The following HNRNPUL2 variants were observed in gnomAD, a reference collection of about 807,000 sequenced individuals.
HNRNPUL2 encodes the protein heterogeneous nuclear ribonucleoprotein U-like protein 2.
In HNRNPUL2, 27 loss-of-function variants were observed where a neutral mutation model predicts 102.2. The ratio of observed to expected loss-of-function variants is 0.26; its 90% CI spans 0.19 to 0.36. The LOEUF (loss-of-function observed/expected upper bound fraction) is 0.36, where lower values mean the gene tolerates loss of function less well. Among genes scored for constraint, HNRNPUL2 ranks in the 10% least tolerant of loss-of-function variants. The pLI is 1.00. For missense variants in HNRNPUL2, 936 were observed against 981.1 expected, an observed-to-expected ratio of 0.95 and a Z score of 0.61; for synonymous variants, 458 against 387.2, an observed-to-expected ratio of 1.18 and a Z score of -2.15.
At chr11:62,721,272 A>C in intron 9 of HNRNPUL2, 23 bp downstream of exon 9, 1 of 1,593,310 alleles carries the variant, frequency 6.3e-7, no homozygotes, top group Non-Finnish European at 8.5e-7. Context: ...CCTTGACTCT[A>C]GGCAATTTTA....
intron 4 of HNRNPUL2, 118 bp downstream of exon 4, chr11:62,723,469 T>C (rs2083719615): frequency 2.7e-6 from 3 of 1,103,314 alleles, no homozygotes; most frequent in African/African-American, 1.6e-5. Context: ...CCAGCCTGGG[T>C]AACAAGAGCG....
At chr11:62,716,078 T>A (rs2083658050) in intron 11 of HNRNPUL2, 141 bp from the exon 12 acceptor site, 4 of 576,548 alleles carry the variant, frequency 6.9e-6, no homozygotes, top group Non-Finnish European at 1.2e-5. Context: ...ACATGTTAAT[T>A]AAAGCACCAG....
chr11:62,724,125 T>C (rs2083725752), intron 2 of HNRNPUL2, 135 bp from the exon 3 acceptor site: 4 of 1,184,872 alleles, frequency 3.4e-6, no homozygotes, highest in Non-Finnish European at 1.2e-6. Flanking sequence ...TTCCAATAAA[T>C]GAGAAAGGGC....
intron 12 of HNRNPUL2, 82 bp downstream of exon 12, chr11:62,715,782 C>T (rs1013941618): frequency 2.3e-5 from 32 of 1,369,648 alleles, no homozygotes; most frequent in Non-Finnish European, 3.1e-5. Flanking sequence ...CCTAAGAAAA[C>T]AGGCAAACCA....
chr11:62,726,964 C>A lies in HNRNPUL2; in HGVS notation c.193G>T (p.Ala65Ser). The A allele has an allele frequency of 6.9e-7, 1 of 1,448,162 alleles. No individual in the cohort carries two copies. Among genetic ancestry groups the A allele is most frequent in the Non-Finnish European group, 9.0e-7 (1 of 1,107,132 alleles). The allele number at this position is 1,448,162 out of a possible 1,614,324, so 89.7% of individuals were successfully genotyped here. Residue 65 changes from alanine (A) to serine (S), a missense_variant, in exon 1 of 14, where the codon GCC (alanine) becomes TCC (serine). Coordinates refer to ENST00000301785, the MANE Select transcript of HNRNPUL2 (RefSeq NM_001079559.3). ...GACKAEPRPV[A>S]ASGGGPGGDE... is the part of the protein sequence containing the mutation. The stretch of plus-strand genomic sequence containing the variant: ...CCGCCCGGGCCGCCGCCCGACGCGG[C>A]CACAGGCCGAGGCTCCGCCTTGCAG...
chr11:62,722,821 G>A lies in HNRNPUL2; in HGVS notation c.974C>T (p.Pro325Leu), dbSNP rs768574111. ...TAAAGAAATAACTTTACCAAGCTGT[G>A]GACGGGAAAAATCAACAGACCACCC... ...RVGWSVDFSR[P>L]QLGEDEFSYG... Residue 325 changes from proline (P) to leucine (L), a missense_variant, in exon 5 of 14, where the codon CCA becomes CTA. Pro to Leu is a moderately conservative substitution (Grantham distance 98, BLOSUM62 -3). Coordinates refer to ENST00000301785, the MANE Select transcript of HNRNPUL2 (RefSeq NM_001079559.3). 6.2e-7 allele frequency: 1 copy of A among 1,613,920 alleles called. No individual in the cohort carries two copies.
Position 62,714,630 on chromosome 11 carries a change from T to G in HNRNPUL2, c.*669A>C, listed in dbSNP as rs2083645232. ...TAGAACCACCCACTGGCAGTCTCCA[T>G]GCCTCAGCCAAACAGCACAAAGGCA... On this transcript the variant is annotated 3_prime_UTR_variant, in exon 14 of 14. Coordinates refer to ENST00000301785, the MANE Select transcript of HNRNPUL2 (RefSeq NM_001079559.3). The G allele has an allele frequency of 6.6e-6, 1 of 152,352 alleles. No individual in the cohort carries two copies. Among genetic ancestry groups the G allele is most frequent in the African/African-American group, 2.4e-5 (1 of 41,452 alleles). The allele number at this position is 152,352 out of a possible 1,614,324, so 9.4% of individuals were successfully genotyped here.
Position 62,713,649 on chromosome 11 carries a change from G to C in HNRNPUL2, c.*1650C>G, listed in dbSNP as rs1041745186. 1 of 152,266 alleles carries C rather than the reference G, an allele frequency of 6.6e-6. No homozygotes were observed. The highest frequency in any genetic ancestry group is 1.5e-5 in the Non-Finnish European group (1 of 68,098). 9.4% of individuals were successfully genotyped at this position (152,266 alleles called of 1,614,324 possible). On this transcript the variant is annotated 3_prime_UTR_variant, in exon 14 of 14. Transcript: ENST00000301785. ...AATAAGGGTCTGTACACCTGAACAAGGGCTGCAGGGCAGTAACAGTGGGAG... is the reference window on the plus strand; with the variant it reads ...AATAAGGGTCTGTACACCTGAACAACGGCTGCAGGGCAGTAACAGTGGGAG...
At position 62,721,868 on chromosome 11, in the gene HNRNPUL2, C is replaced by T. The variant is rs746621648; in HGVS notation, c.1434G>A (p.Glu478=). The T allele has an allele frequency of 1.2e-6, 2 of 1,614,188 alleles. No homozygotes were observed. Among genetic ancestry groups the T allele is most frequent in the Admixed American group, 1.7e-5 (1 of 60,018 alleles). Residue 478 remains glutamate (E), a synonymous_variant, in exon 8 of 14, where the codon GAG becomes GAA. Transcript: ENST00000301785. ...CAGCTCCCAGGACATTGTATCTTTT[C>T]TCAGGGTTTTCTTTTGCATATTTCA... The part of the protein sequence containing the change: ...WALKYAKENP[E]KRYNVLGAET...
At chr11:62,715,714 GGTTTA>G in intron 12 of HNRNPUL2, 107 bp from the exon 13 acceptor site, 2 of 1,131,996 alleles carry the variant, frequency 1.8e-6, no homozygotes, top group Admixed American at 3.6e-5. Flanking sequence ...ATTATAAATT[GGTTTA>G]ATTTTCCCAT....
chr11:62,722,085 C>T (rs1565162274), intron 7 of HNRNPUL2, 32 bp downstream of exon 7: 1 of 1,607,720 alleles, frequency 6.2e-7, no homozygotes, highest in Non-Finnish European at 8.5e-7. Flanking sequence ...GCAAAGCATA[C>T]AACCTCAGTG....
intron 10 of HNRNPUL2, among the ~76,000 whole-genome samples, chr11:62,718,322 C>T (rs1301735742): frequency 6.6e-6 from 1 of 152,138 alleles, no homozygotes; most frequent in Non-Finnish European, 1.5e-5. Context: ...ACAAACAAAA[C>T]ACAAACATAA....
In HNRNPUL2 at chr11:62,723,267, G is replaced by A. The variant is rs150329559; in HGVS notation, c.891+320C>T. On this transcript the variant is annotated intron_variant, in intron 4 of 13. Coordinates refer to ENST00000301785, the MANE Select transcript of HNRNPUL2 (RefSeq NM_001079559.3). ...AGCACTTTGGGAGGCCAAGACGGGCGGATCACCTGAGGTCGGGAGTTCAAG... is the reference window on the plus strand; with the variant it reads ...AGCACTTTGGGAGGCCAAGACGGGCAGATCACCTGAGGTCGGGAGTTCAAG... Among the ~76,000 whole-genome samples the A allele has an allele frequency of 2.0e-5, 3 of 152,288 alleles. 1 individual carries two copies. The highest frequency in any genetic ancestry group is 2.9e-5 in the Non-Finnish European group (2 of 68,030).
In HNRNPUL2 at chr11:62,715,557, G is replaced by A. The variant is rs201898472; in HGVS notation, c.2106C>T (p.Tyr702=). The stretch of plus-strand genomic sequence containing the variant: ...ATCTGTTGTACTCATAATCTCGCCC[G>A]TAAAATCGATCATAGTCTCCCCTGT... ...DRYRGDYDRF[Y]GRDYEYNRYR... is the part of the protein sequence containing the mutation. Residue 702 remains tyrosine, a synonymous_variant, in exon 13 of 14, where the codon TAC becomes TAT. Coordinates refer to ENST00000301785, the MANE Select transcript of HNRNPUL2 (RefSeq NM_001079559.3). The A allele has an allele frequency of 1.2e-4, 201 of 1,612,842 alleles. 1 individual carries two copies. Among genetic ancestry groups the A allele is most frequent in the Middle Eastern group, 3.3e-4 (2 of 6,078 alleles).
intron 11 of HNRNPUL2, 136 bp downstream of exon 11, chr11:62,716,853 A>G (rs2083663970): frequency 2.7e-6 from 2 of 740,266 alleles, no homozygotes; most frequent in Non-Finnish European, 2.2e-6. Context: ...CACAGGAAGA[A>G]ATAAGCTCCA....
At chr11:62,716,068 A>C in intron 11 of HNRNPUL2, 131 bp from the exon 12 acceptor site, 1 of 614,656 alleles carries the variant, frequency 1.6e-6, no homozygotes, top group South Asian at 2.3e-5. Flanking sequence ...CCAGGCTCAC[A>C]CATGTTAATT....
intron 10 of HNRNPUL2, among the ~76,000 whole-genome samples, chr11:62,717,610 T>C (rs896974189): frequency 6.6e-6 from 1 of 151,992 alleles, no homozygotes; most frequent in Non-Finnish European, 1.5e-5. Flanking sequence ...AATCCCAGCA[T>C]TTTGGGAGGC....
intron 1 of HNRNPUL2, among the ~76,000 whole-genome samples, chr11:62,725,121 G>A (rs893894535): frequency 1.3e-5 from 2 of 152,190 alleles, no homozygotes; most frequent in African/African-American, 4.8e-5. Context: ...AAAACTTGGA[G>A]TTTTTCCCTA....
chr11:62,725,799 G>A (rs1246746940), intron 1 of HNRNPUL2, among the ~76,000 whole-genome samples: 1 of 152,106 alleles, frequency 6.6e-6, no homozygotes, highest in Non-Finnish European at 1.5e-5. Context: ...ACTCCCTGGG[G>A]CGATTCTACA....
Sources: gnomAD v4.1 joint callset for allele counts (sites outside exome capture counted in the v4.1 genomes callset) on GRCh38, gnomAD v4.1.1 for gene constraint, MANE v1.5 for transcripts, NCBI Gene and HGNC (gene_info 2026-07-23, HGNC 2026-07-21) for gene names.